The following NHSL1 variants were observed in gnomAD, a reference collection of about 807,000 sequenced individuals.
NHSL1 encodes the protein NHS like 1.
In NHSL1, 48 loss-of-function variants were observed where a neutral mutation model predicts 95.0. That is an observed-to-expected ratio of 0.51 (90% CI 0.40 to 0.64). NHSL1 has a LOEUF of 0.64. Ranked by LOEUF, NHSL1 falls within the 30% of genes least tolerant of loss-of-function variation. NHSL1 has a pLI of 0.00. For missense variants in NHSL1, 1,971 were observed against 2,077.7 expected, an observed-to-expected ratio of 0.95 and a Z score of 1.00; for synonymous variants, 783 against 833.9, an observed-to-expected ratio of 0.94 and a Z score of 1.05.
chr6:138,618,246 C>T (rs146362415), intron 1 of NHSL1, among the ~76,000 whole-genome samples: 56 of 152,306 alleles, frequency 3.7e-4, no homozygotes, highest in Non-Finnish European at 5.7e-4. Flanking sequence ...AATAGCTACA[C>T]GCCCAGGCCC....
At position 138,442,053 on chromosome 6, in the gene NHSL1, T is replaced by C. The variant is rs1362776378; in HGVS notation, c.594A>G (p.Val198=). ...RRSLIYTDTL[V]RRPKKVKRRK... Reference sequence around the variant, plus strand: ...TCCTTTTGACTTTCTTCGGTCGTCTTACCAGAGTGTCTGTGTAAATTAGAG... The same window carrying C: ...TCCTTTTGACTTTCTTCGGTCGTCTCACCAGAGTGTCTGTGTAAATTAGAG... Residue 198 remains valine, a synonymous_variant, in exon 5 of 8, where the codon GTA becomes GTG. Transcript: ENST00000343505. 1.9e-6 allele frequency: 3 copies of C among 1,551,388 alleles called. No individual in the cohort carries two copies. Among genetic ancestry groups the C allele is most frequent in the Non-Finnish European group, 2.6e-6 (3 of 1,146,902 alleles).
intron 1 of NHSL1, among the ~76,000 whole-genome samples, chr6:138,594,146 G>C (rs892494816): frequency 6.6e-6 from 1 of 152,134 alleles, no homozygotes; most frequent in Non-Finnish European, 1.5e-5. Context: ...GTGGTTGGGG[G>C]ATGTGGATAA....
chr6:138,496,407 A>G, intron 1 of NHSL1, 36 bp from the exon 2 acceptor site: 1 of 1,546,930 alleles, frequency 6.5e-7, no homozygotes, highest in Non-Finnish European at 8.7e-7. Flanking sequence ...TCAGGTGTCA[A>G]CTTCATTGGC....
chr6:138,524,313 G>A (rs1369508551), intron 1 of NHSL1, among the ~76,000 whole-genome samples: 1 of 152,074 alleles, frequency 6.6e-6, no homozygotes, highest in African/African-American at 2.4e-5. Flanking sequence ...CAAAGTGAAC[G>A]CCCATGTAAC....
At chr6:138,464,824 T>TG (rs1478216472) in intron 3 of NHSL1, among the ~76,000 whole-genome samples, 3 of 150,454 alleles carry the variant, frequency 2.0e-5, no homozygotes, top group Non-Finnish European at 2.9e-5. Context: ...GTGATTCTCC[T>TG]GCCTCAGCCT....
intron 1 of NHSL1, among the ~76,000 whole-genome samples, chr6:138,510,506 A>G (rs73575472): frequency 0.018 from 2,794 of 152,330 alleles, 67 homozygotes; most frequent in Admixed American, 0.052. Context: ...CAGAATACAC[A>G]GCAGCAAAAT....
chr6:138,543,495 G>A (rs1395778555), intron 1 of NHSL1, among the ~76,000 whole-genome samples: 1 of 152,186 alleles, frequency 6.6e-6, no homozygotes, highest in Non-Finnish European at 1.5e-5. Context: ...CATCAATGTG[G>A]GAAGCGATCT....
chr6:138,430,220 C>A lies in NHSL1; in HGVS notation c.3952+173G>T, dbSNP rs1229958643. On this transcript the variant is annotated intron_variant, in intron 6 of 7. Transcript: ENST00000343505. This position sits in a 1 kb window ranked among gnomAD's most constrained non-coding sequence, Gnocchi z 4.7. ...AGATTTTAAAAATAATAACAAAATG[C>A]AAAGTTGGTAACTTAATCTGTGTTT... Among the ~76,000 whole-genome samples the A allele has an allele frequency of 6.6e-6, 1 of 152,174 alleles. No homozygotes were observed. The highest frequency in any genetic ancestry group is 1.9e-4 in the East Asian group (1 of 5,198).
At chr6:138,543,071 C>T (rs1782644965) in intron 1 of NHSL1, among the ~76,000 whole-genome samples, 1 of 152,132 alleles carries the variant, frequency 6.6e-6, no homozygotes, top group Non-Finnish European at 1.5e-5. Flanking sequence ...GCCTATTCTA[C>T]GTCTTAGAAT....
At chr6:138,491,517 G>C (rs1780076752) in intron 2 of NHSL1, among the ~76,000 whole-genome samples, 1 of 152,134 alleles carries the variant, frequency 6.6e-6, no homozygotes, top group East Asian at 1.9e-4. Flanking sequence ...TAAAAATTTA[G>C]CCAGATTTAG....
At chr6:138,625,822 T>C (rs1312975686) in intron 1 of NHSL1, among the ~76,000 whole-genome samples, 1 of 152,024 alleles carries the variant, frequency 6.6e-6, no homozygotes, top group Non-Finnish European at 1.5e-5. Context: ...TTATAAATGT[T>C]CTGTAGAGAT....
At chr6:138,580,451 G>A (rs1443691251) in intron 1 of NHSL1, among the ~76,000 whole-genome samples, 2 of 152,200 alleles carry the variant, frequency 1.3e-5, no homozygotes, top group Non-Finnish European at 2.9e-5. Context: ...TAGCAGTCGG[G>A]AGATTTAGCC....
intron 2 of NHSL1, among the ~76,000 whole-genome samples, chr6:138,482,187 G>A (rs1026955450): frequency 5.9e-5 from 9 of 152,168 alleles, no homozygotes; most frequent in Non-Finnish European, 1.2e-4. Flanking sequence ...GGTGGCTCAC[G>A]CCTGTAATCC....
chr6:138,569,119 G>A (rs973878255), intron 1 of NHSL1, among the ~76,000 whole-genome samples: 14 of 152,174 alleles, frequency 9.2e-5, no homozygotes, highest in African/African-American at 1.4e-4. Flanking sequence ...GAGGGAGAAC[G>A]CCAGGAGCTG....
At chr6:138,648,080 T>G (rs1002097430) in intron 1 of NHSL1, among the ~76,000 whole-genome samples, 2 of 152,204 alleles carry the variant, frequency 1.3e-5, no homozygotes, top group African/African-American at 4.8e-5. Context: ...GTAACTATAT[T>G]AGTAAATAGC....
At chr6:138,651,069 A>G in intron 1 of NHSL1, 1 of 380,944 alleles carries the variant, frequency 2.6e-6, no homozygotes, top group Admixed American at 3.5e-5. Context: ...ATAACATGCC[A>G]TAAAACTCAT....
upstream of NHSL1, among the ~76,000 whole-genome samples, chr6:138,574,095 TTTTG>T (rs1487895352): frequency 3.3e-5 from 5 of 151,928 alleles, no homozygotes; most frequent in Non-Finnish European, 7.4e-5. Flanking sequence ...GCCTGGCTAA[TTTTG>T]TTTTTGTATT....
intron 1 of NHSL1, among the ~76,000 whole-genome samples, chr6:138,599,623 A>G (rs1478314086): frequency 6.6e-6 from 1 of 152,236 alleles, no homozygotes; most frequent in Non-Finnish European, 1.5e-5. Context: ...TAACCCAGAT[A>G]CACAAGAAAC....
intron 2 of NHSL1, among the ~76,000 whole-genome samples, chr6:138,475,275 A>AGTAGCATGAT (rs1779000313): frequency 6.6e-6 from 1 of 151,792 alleles, no homozygotes; most frequent in Non-Finnish European, 1.5e-5. Context: ...GCTGGAGTGC[A>AGTAGCATGAT]GTAGCATGAT....
Sources: gnomAD v4.1 joint callset for allele counts (sites outside exome capture counted in the v4.1 genomes callset) on GRCh38, gnomAD v4.1.1 for gene constraint, Gnocchi (gnomAD v3.1) non-coding constraint, MANE v1.5 for transcripts, NCBI Gene and HGNC (gene_info 2026-07-23, HGNC 2026-07-21) for gene names.